Variants in PROSER2 observed in about 807,000 individuals in gnomAD.
The protein encoded by PROSER2 is proline and serine-rich protein 2.
In PROSER2, 18 loss-of-function variants were observed where a neutral mutation model predicts 14.6. The observed-to-expected ratio is 1.23, with a 90% CI of 0.85 to 1.83. PROSER2 has a LOEUF of 1.83. Among genes scored for constraint, PROSER2 ranks in the 40% most tolerant of loss-of-function variants. The pLI is 0.00. For missense variants in PROSER2, 823 were observed against 629.8 expected (o/e 1.31, Z -3.28); for synonymous variants, 367 against 286.4 (o/e 1.28, Z -2.84).
chr10:11,834,623 T>C (rs949459828), intron 1 of PROSER2, among the ~76,000 whole-genome samples: 11 of 151,814 alleles, frequency 7.2e-5, no homozygotes, highest in Admixed American at 6.6e-5. Context: ...TAATCCCAGC[T>C]ACTCAGGAAG....
In PROSER2 at chr10:11,870,024, G is replaced by C. The variant is rs909272880; in HGVS notation, c.926G>C (p.Gly309Ala). ...GACGCCGGCGAGGGGGCCCCAGGGG[G>C]CGGCTCCTCCCCGGAGCGGGTGGCG... Reference protein sequence around the residue: ...AGDAGEGAPGGGSSPERVARG... With the variant: ...AGDAGEGAPGAGSSPERVARG... The change falls in exon 4 of 4, where the codon GGC becomes GCC. Residue 309 changes from glycine to alanine, a missense_variant. Coordinates refer to ENST00000277570, the MANE Select transcript of PROSER2 (RefSeq NM_153256.4). 3 of 1,241,450 alleles carry C rather than the reference G, an allele frequency of 2.4e-6. No homozygotes were observed. The highest frequency in any genetic ancestry group is 3.0e-6 in the Non-Finnish European group (3 of 993,632). 76.9% of individuals were successfully genotyped at this position (1,241,450 alleles called of 1,614,324 possible).
intron 3 of PROSER2, among the ~76,000 whole-genome samples, chr10:11,867,630 A>G (rs1293486078): frequency 6.6e-6 from 1 of 152,214 alleles, no homozygotes; most frequent in Non-Finnish European, 1.5e-5. Context: ...TCTCAAAAAA[A>G]GAAAGAGAAT....
Position 11,869,750 on chromosome 10 carries a change from A to AGGGAG in PROSER2, c.655_659dup (p.Pro222AlafsTer133). On this transcript the variant is annotated frameshift_variant, in exon 4 of 4. Coordinates refer to ENST00000277570, the MANE Select transcript of PROSER2 (RefSeq NM_153256.4). LOFTEE classifies it low-confidence loss of function (END_TRUNC). This position sits in a 1 kb window ranked among gnomAD's most constrained non-coding sequence, Gnocchi z 4.4. ...AGCCCTCTCGCCCACCTCCCCGTTC[A>AGGGAG]GGGAGGGCCGGCCCGGGGAGTGGAG... 6.3e-7 allele frequency: 1 copy of AGGGAG among 1,581,794 alleles called. No homozygotes were observed. Among genetic ancestry groups the AGGGAG allele is most frequent in the Admixed American group, 1.8e-5 (1 of 55,882 alleles).
At chr10:11,864,869 G>A (rs562171988) in intron 2 of PROSER2, among the ~76,000 whole-genome samples, 5 of 152,242 alleles carry the variant, frequency 3.3e-5, no homozygotes, top group Non-Finnish European at 7.4e-5. Flanking sequence ...GATTACAGGC[G>A]TGAGCCACCG....
Position 11,836,850 on chromosome 10 carries a change from T to A in PROSER2, c.-82+13380T>A, listed in dbSNP as rs186970535. 6.6e-6 allele frequency among the ~76,000 whole-genome samples: 1 copy of A among 152,228 alleles called. No individual in the cohort carries two copies. Among genetic ancestry groups the A allele is most frequent in the South Asian group, 2.1e-4 (1 of 4,824 alleles). On this transcript the variant is annotated intron_variant, in intron 1 of 3. Transcript: ENST00000277570. The surrounding 1 kb of genome is among the most constrained non-coding windows in gnomAD (Gnocchi z 4.6). ...ATACACGGTTTTGCTTTCCATAGTT[T>A]CGGTTACTTGCAGTCAACCGTGGTC...
Position 11,866,415 on chromosome 10 carries a change from G to A in PROSER2, c.139-116G>A. ...GCACTGTGTGGCAGGGTACTCTCGG[G>A]ACACAGTGAGTTCCGCCCTGGGCTG... On this transcript the variant is annotated intron_variant, in intron 2 of 3. Coordinates refer to ENST00000277570, the MANE Select transcript of PROSER2 (RefSeq NM_153256.4). The surrounding 1 kb of genome is among the most constrained non-coding windows in gnomAD (Gnocchi z 6.0). 8.0e-7 allele frequency: 1 copy of A among 1,257,668 alleles called. No individual in the cohort carries two copies. The highest frequency in any genetic ancestry group is 1.1e-6 in the Non-Finnish European group (1 of 892,058). 77.9% of individuals were successfully genotyped at this position (1,257,668 alleles called of 1,614,324 possible). A position where few individuals can be genotyped will look rare whatever the true frequency, so the allele number is the denominator to read the frequency against.
chr10:11,849,134 C>T (rs1564307164), intron 1 of PROSER2, among the ~76,000 whole-genome samples: 2 of 152,212 alleles, frequency 1.3e-5, no homozygotes, highest in Non-Finnish European at 1.5e-5. Context: ...TTGCGGTAAG[C>T]CGAGATTGCA....
In PROSER2 at chr10:11,843,417, G is replaced by T. The variant is rs1833878328; in HGVS notation, c.-81-8580G>T. ...AAAATACAAAAAAAGGCCGGGTGCG[G>T]TGGCTCACGCCTGTAATCCCAGCAC... is the stretch of plus-strand genomic sequence containing the variant. On this transcript the variant is annotated intron_variant, in intron 1 of 3. Transcript: ENST00000277570. Among the ~76,000 whole-genome samples the T allele has an allele frequency of 5.9e-5, 9 of 151,524 alleles. No homozygotes were observed. The South Asian group carries it at 1.9e-3, about 32-fold the overall frequency.
At chr10:11,863,179 GTTC>G (rs1333322280) in intron 2 of PROSER2, 1 of 152,130 alleles carries the variant, frequency 6.6e-6, no homozygotes, top group Non-Finnish European at 1.5e-5. Flanking sequence ...ATTTGCATGT[GTTC>G]TTGTGTTTTC....
At chr10:11,828,704 A>T (rs1308857489) in intron 1 of PROSER2, among the ~76,000 whole-genome samples, 1 of 152,168 alleles carries the variant, frequency 6.6e-6, no homozygotes, top group Admixed American at 6.6e-5. Context: ...CTTTATCTCC[A>T]AAATAAATAA....
At position 11,870,179 on chromosome 10, in the gene PROSER2, C is replaced by T; in HGVS notation, c.1081C>T (p.Pro361Ser). Residue 361 changes from proline to serine, a missense_variant, in exon 4 of 4, where the codon CCC becomes TCC. Pro to Ser is a moderately conservative substitution (Grantham distance 74, BLOSUM62 -1). Transcript: ENST00000277570. ...ALKSAPSSFAPAGKSLCFRPG... is the reference protein window; with the variant it reads ...ALKSAPSSFASAGKSLCFRPG... ...GAAGAGCGCACCCAGCTCCTTCGCGCCCGCTGGGAAGTCCCTCTGCTTCCG... is the reference window on the plus strand; with the variant it reads ...GAAGAGCGCACCCAGCTCCTTCGCGTCCGCTGGGAAGTCCCTCTGCTTCCG... The T allele has an allele frequency of 2.7e-6, 4 of 1,484,162 alleles. No individual in the cohort carries two copies. The highest frequency in any genetic ancestry group is 3.6e-6 in the Non-Finnish European group (4 of 1,124,254). 91.9% of individuals were successfully genotyped at this position (1,484,162 alleles called of 1,614,324 possible).
rs1385538949 is a variant in PROSER2 at position 11,872,221 on chromosome 10, GTTTA to G, written c.*1819_*1822del. 6.6e-6 allele frequency: 1 copy of G among 152,180 alleles called. No homozygotes were observed. Among genetic ancestry groups the G allele is most frequent in the East Asian group, 1.9e-4 (1 of 5,202 alleles). The allele number at this position is 152,180 out of a possible 1,614,324, so 9.4% of individuals were successfully genotyped here. A position where few individuals can be genotyped will look rare whatever the true frequency, so the allele number is the denominator to read the frequency against. On this transcript the variant is annotated 3_prime_UTR_variant, in exon 4 of 4. Transcript: ENST00000277570. Reference sequence around the variant, plus strand: ...GTAGGGTGAACTGGACTGCATATTAGTTTATTTGTTGCCATAATCACATTTTTGA... The same window carrying G: ...GTAGGGTGAACTGGACTGCATATTAGTTTGTTGCCATAATCACATTTTTGA...
rs778820742 is a variant in PROSER2 at position 11,824,566 on chromosome 10, A to T, written c.-82+1096A>T. ...GGAGGTATTTTCGTTCATGAAGCCA[A>T]TGTGGAAATACAAACAAATGCCCTA... On this transcript the variant is annotated intron_variant, in intron 1 of 3. Coordinates refer to ENST00000277570, the MANE Select transcript of PROSER2 (RefSeq NM_153256.4). 5.3e-5 allele frequency among the ~76,000 whole-genome samples: 8 copies of T among 152,214 alleles called. 1 individual carries two copies. Among genetic ancestry groups the T allele is most frequent in the Admixed American group, 5.2e-4 (8 of 15,278 alleles).
chr10:11,870,376 G>C lies in PROSER2; in HGVS notation c.1278G>C (p.Arg426=). 1 of 1,508,404 alleles carries C rather than the reference G, an allele frequency of 6.6e-7. No homozygotes were observed. Among genetic ancestry groups the C allele is most frequent in the Non-Finnish European group, 8.8e-7 (1 of 1,130,022 alleles). 93.4% of individuals were successfully genotyped at this position (1,508,404 alleles called of 1,614,324 possible). ...SSEEARREAL[R]KLGLLRESS ...AGGAGGCGCGCAGGGAGGCCCTGCG[G>C]AAGCTGGGGCTGCTCAGGGAGAGTT... Residue 426 remains arginine, a synonymous_variant, in exon 4 of 4, where the codon CGG becomes CGC. Transcript: ENST00000277570.
At chr10:11,827,342 A>G (rs1283197471) in intron 1 of PROSER2, among the ~76,000 whole-genome samples, 2 of 132,792 alleles carry the variant, frequency 1.5e-5, no homozygotes, top group African/African-American at 5.0e-5. Flanking sequence ...TCTGCTGAGA[A>G]CTCGATTCTC....
At chr10:11,842,484 A>G (rs538773179) in intron 1 of PROSER2, among the ~76,000 whole-genome samples, 55 of 151,780 alleles carry the variant, frequency 3.6e-4, no homozygotes, top group East Asian at 1.4e-3. Flanking sequence ...TGCTTATACA[A>G]TTTTAAAGTT....
At position 11,866,529 on chromosome 10, in the gene PROSER2, A is replaced by C. The variant is rs148477384; in HGVS notation, c.139-2A>C. The stretch of plus-strand genomic sequence containing the variant: ...CTTCTGTTCCCAATCCCTGTACTCT[A>C]GGATGATGAGAGCCTGAAGTACCTC... On this transcript the variant is annotated splice_acceptor_variant, in intron 2 of 3. Coordinates refer to ENST00000277570, the MANE Select transcript of PROSER2 (RefSeq NM_153256.4). LOFTEE classifies it high-confidence loss of function. The surrounding 1 kb of genome is among the most constrained non-coding windows in gnomAD (Gnocchi z 6.0). 1.7e-5 allele frequency: 28 copies of C among 1,613,916 alleles called. No homozygotes were observed. The highest frequency in any genetic ancestry group is 2.3e-5 in the Non-Finnish European group (27 of 1,179,958).
chr10:11,867,492 C>T (rs72775912), intron 3 of PROSER2, among the ~76,000 whole-genome samples: 15,007 of 151,788 alleles, frequency 0.099, 982 homozygotes, highest in Non-Finnish European at 0.14. Context: ...AATTAGCTGG[C>T]GCACACCTGT....
At chr10:11,851,840 A>G (rs1022181900) in intron 1 of PROSER2, 157 bp from the exon 2 acceptor site, 6 of 363,612 alleles carry the variant, frequency 1.7e-5, no homozygotes, top group African/African-American at 1.2e-4. Context: ...CATGGCAGTC[A>G]GCATCCTCAA....
Sources: gnomAD v4.1 joint callset for allele counts (sites outside exome capture counted in the v4.1 genomes callset) on GRCh38, gnomAD v4.1.1 for gene constraint, Gnocchi (gnomAD v3.1) non-coding constraint, MANE v1.5 for transcripts, NCBI Gene and HGNC (gene_info 2026-07-23, HGNC 2026-07-21) for gene names.